Variants in NPFFR2 observed in about 807,000 individuals in gnomAD.
NPFFR2 encodes the protein neuropeptide FF receptor 2, also known as G-protein coupled receptor 74.
NPFFR2 carries 15 observed loss-of-function variants against 13.1 expected under a neutral mutation model. That is an observed-to-expected ratio of 1.15 (90% CI 0.77 to 1.76). The LOEUF (loss-of-function observed/expected upper bound fraction) is 1.76, where lower values mean the gene tolerates loss of function less well. Among genes scored for constraint, NPFFR2 ranks in the 40% most tolerant of loss-of-function variants. The probability of loss-of-function intolerance (pLI) is 0.00; values close to 1 mark genes in which losing one functional copy is unlikely to be tolerated. For missense variants in NPFFR2, 572 were observed against 503.5 expected, an observed-to-expected ratio of 1.14 and a Z score of -1.30; for synonymous variants, 190 against 175.7, an observed-to-expected ratio of 1.08 and a Z score of -0.65.
intron 3 of NPFFR2, among the ~76,000 whole-genome samples, chr4:72,139,044 G>A (rs940574877): frequency 6.6e-6 from 1 of 152,116 alleles, no homozygotes; most frequent in African/African-American, 2.4e-5. Context: ...ATATCTGTTG[G>A]CTGCACAAAT....
At position 72,147,501 on chromosome 4, in the gene NPFFR2, G is replaced by A. The variant is rs1204064095; in HGVS notation, c.952G>A (p.Ala318Thr). The change falls in exon 4 of 4, where the codon GCA becomes ACA. Residue 318 changes from alanine to threonine, a missense_variant. Ala to Thr is a moderately conservative substitution (Grantham distance 58). Transcript: ENST00000308744. Reference sequence around the variant, plus strand: ...CATCAACATCTACATCTACCCTTTTGCACACTGGCTGGCATTCGGCAACAG... The same window carrying A: ...CATCAACATCTACATCTACCCTTTTACACACTGGCTGGCATTCGGCAACAG... ...QIINIYIYPF[A>T]HWLAFGNSSV... 4 of 1,614,102 alleles carry A rather than the reference G, an allele frequency of 2.5e-6. No individual in the cohort carries two copies. The highest frequency in any genetic ancestry group is 3.4e-6 in the Non-Finnish European group (4 of 1,180,028).
At chr4:72,128,034 G>T (rs1452218284) in intron 1 of NPFFR2, among the ~76,000 whole-genome samples, 2 of 152,196 alleles carry the variant, frequency 1.3e-5, no homozygotes, top group East Asian at 1.9e-4. Flanking sequence ...AGCTGAGATG[G>T]TGCCACTGCA....
At chr4:72,066,284 G>A (rs1011040225) in intron 1 of NPFFR2, among the ~76,000 whole-genome samples, 5 of 152,028 alleles carry the variant, frequency 3.3e-5, no homozygotes, top group African/African-American at 1.2e-4. Flanking sequence ...AATGAAGAAG[G>A]ATCCCTCATG....
chr4:72,097,424 T>C (rs1721104429), intron 1 of NPFFR2, among the ~76,000 whole-genome samples: 1 of 152,130 alleles, frequency 6.6e-6, no homozygotes, highest in East Asian at 1.9e-4. Context: ...TCATCAGCTT[T>C]TCCTCTCTCA....
At chr4:72,064,129 A>G (rs910544515) in intron 1 of NPFFR2, among the ~76,000 whole-genome samples, 8 of 152,232 alleles carry the variant, frequency 5.3e-5, no homozygotes, top group Non-Finnish European at 1.0e-4. Context: ...GATAGTACTG[A>G]TGGTATATTA....
chr4:72,067,917 T>TC (rs1720122468), intron 1 of NPFFR2, among the ~76,000 whole-genome samples: 1 of 152,220 alleles, frequency 6.6e-6, no homozygotes, highest in African/African-American at 2.4e-5. Context: ...CACAACCACT[T>TC]TAAGTAATCT....
intron 1 of NPFFR2, among the ~76,000 whole-genome samples, chr4:72,083,135 A>T (rs1254178637): frequency 1.3e-5 from 2 of 152,188 alleles, no homozygotes; most frequent in African/African-American, 4.8e-5. Context: ...TACTGTGAAT[A>T]ATGCTCCAAT....
intron 1 of NPFFR2, among the ~76,000 whole-genome samples, chr4:72,062,784 G>A (rs1000483200): frequency 2.0e-5 from 3 of 152,148 alleles, no homozygotes; most frequent in African/African-American, 7.2e-5. Flanking sequence ...GAACCATATG[G>A]AGCAGAGCTG....
At chr4:72,140,390 G>T (rs1317612433) in intron 3 of NPFFR2, among the ~76,000 whole-genome samples, 1 of 152,080 alleles carries the variant, frequency 6.6e-6, no homozygotes, top group Admixed American at 6.6e-5. Flanking sequence ...TGTTGGCTGT[G>T]GGTTTGTCAA....
chr4:72,111,289 A>G (rs1184447518), intron 1 of NPFFR2, among the ~76,000 whole-genome samples: 1 of 152,060 alleles, frequency 6.6e-6, no homozygotes, highest in Non-Finnish European at 1.5e-5. Flanking sequence ...TTCTGGCAAT[A>G]TAGTAAATGT....
At chr4:72,134,744 G>A (rs1722354528) in intron 2 of NPFFR2, among the ~76,000 whole-genome samples, 1 of 151,974 alleles carries the variant, frequency 6.6e-6, no homozygotes, top group African/African-American at 2.4e-5. Flanking sequence ...AAACATATCA[G>A]GTATCTATAA....
intron 1 of NPFFR2, among the ~76,000 whole-genome samples, chr4:72,126,450 G>T (rs1444133332): frequency 6.6e-6 from 1 of 152,200 alleles, no homozygotes; most frequent in African/African-American, 2.4e-5. Context: ...AAGGTGTGCA[G>T]AAAAGAGATA....
intron 1 of NPFFR2, among the ~76,000 whole-genome samples, chr4:72,048,554 A>G (rs1052620536): frequency 1.3e-5 from 2 of 152,120 alleles, no homozygotes; most frequent in African/African-American, 2.4e-5. Flanking sequence ...GATGGAGAAA[A>G]TGAACAAATA....
chr4:72,120,587 G>T (rs1721842508), intron 1 of NPFFR2, among the ~76,000 whole-genome samples: 1 of 152,212 alleles, frequency 6.6e-6, no homozygotes, highest in Non-Finnish European at 1.5e-5. Flanking sequence ...CTGTTCTGCA[G>T]CCTCTGCTGG....
intron 1 of NPFFR2, among the ~76,000 whole-genome samples, chr4:72,037,725 C>T (rs548420282): frequency 6.6e-6 from 1 of 152,300 alleles, no homozygotes; most frequent in East Asian, 1.9e-4. Context: ...ATCAGTGTTA[C>T]TTAAGGCTTC....
intron 1 of NPFFR2, among the ~76,000 whole-genome samples, chr4:72,050,277 G>C (rs1200083834): frequency 2.0e-5 from 3 of 151,890 alleles, no homozygotes; most frequent in Non-Finnish European, 4.4e-5. Flanking sequence ...CCAGAAGACA[G>C]GGTACTATAT....
intron 1 of NPFFR2, among the ~76,000 whole-genome samples, chr4:72,064,977 A>G (rs1002480697): frequency 2.6e-5 from 4 of 152,126 alleles, no homozygotes; most frequent in African/African-American, 9.7e-5. Context: ...TGACTGCCAA[A>G]TATGAAAAGA....
At chr4:72,103,716 A>T (rs1179271095) in intron 1 of NPFFR2, among the ~76,000 whole-genome samples, 2 of 152,130 alleles carry the variant, frequency 1.3e-5, no homozygotes, top group Non-Finnish European at 2.9e-5. Context: ...TAGTTATGCC[A>T]TATCATTTCA....
chr4:72,048,688 T>C (rs4295230), intron 1 of NPFFR2, among the ~76,000 whole-genome samples: 135,143 of 151,860 alleles, frequency 0.89, 61,267 homozygotes, highest in Non-Finnish European at 0.98. Flanking sequence ...TGAGTACTAA[T>C]TTTTTTTTAA....
Sources: allele counts gnomAD v4.1 joint callset (sites outside exome capture counted in the v4.1 genomes callset), GRCh38; gene constraint gnomAD v4.1.1; transcripts MANE v1.5; gene names NCBI Gene and HGNC (gene_info 2026-07-23, HGNC 2026-07-21).